Variants in PSMD9 observed in about 807,000 individuals in gnomAD.
PSMD9 encodes 26S proteasome non-ATPase regulatory subunit 9.
A neutral mutation model predicts 25.9 loss-of-function variants in PSMD9; 26 were observed. That is an observed-to-expected ratio of 1.00 (90% CI 0.73 to 1.39). The LOEUF is 1.39. PSMD9 is among the 40% of genes most tolerant of loss of function. The pLI is 0.00. For missense variants in PSMD9, 303 were observed against 299.3 expected (o/e 1.01, Z -0.09); for synonymous variants, 110 against 114.5 (o/e 0.96, Z 0.25).
chr12:121,891,901 C>CAAA (rs33982940), intron 1 of PSMD9, among the ~76,000 whole-genome samples: 304 of 74,176 alleles, frequency 4.1e-3, no homozygotes, highest in East Asian at 6.4e-3. Flanking sequence ...GATTCCATCT[C>CAAA]AAAAAAAAAA....
chr12:121,899,737 C>A lies in PSMD9; in HGVS notation c.345C>A (p.Ala115=). ...KEKQARDMAE[A]HKEAMSRKLG... Reference sequence around the variant, plus strand: ...AGCAGGCCCGGGACATGGCTGAGGCCCACAAAGAGGCCATGAGCCGCAAAC... The same window carrying A: ...AGCAGGCCCGGGACATGGCTGAGGCACACAAAGAGGCCATGAGCCGCAAAC... Residue 115 remains alanine (A), a synonymous_variant, in exon 3 of 6, where the codon GCC becomes GCA. Transcript: ENST00000541212. 1 of 1,614,120 alleles carries A rather than the reference C, an allele frequency of 6.2e-7. No homozygotes were observed. Among genetic ancestry groups the A allele is most frequent in the Non-Finnish European group, 8.5e-7 (1 of 1,180,000 alleles).
Position 121,911,902 on chromosome 12 carries a change from C to T in PSMD9, c.556-3954C>T, listed in dbSNP as rs1049494061. On this transcript the variant is annotated intron_variant, in intron 4 of 5. Coordinates refer to ENST00000541212, the MANE Select transcript of PSMD9 (RefSeq NM_002813.7). ...TCCTGACCTCAAGTAATCCACCTGC[C>T]TTGGCCTCCCAAAGTGCTGGGATTG... Among the ~76,000 whole-genome samples the T allele has an allele frequency of 4.6e-5, 7 of 152,094 alleles. No homozygotes were observed. In the East Asian group the frequency reaches 1.2e-3, roughly 25 times the overall value.
Position 121,888,865 on chromosome 12 carries a change from C to T in PSMD9, c.9C>T (p.Asp3=), listed in dbSNP as rs1878964368. The change falls in exon 1 of 6, where the codon GAC becomes GAT. Residue 3 remains aspartate (D), a synonymous_variant. Coordinates refer to ENST00000541212, the MANE Select transcript of PSMD9 (RefSeq NM_002813.7). Reference sequence around the variant, plus strand: ...GCGGCCCGGGGTTCACGATGTCCGACGAGGAAGCGAGGCAGAGCGGAGGCT... The same window carrying T: ...GCGGCCCGGGGTTCACGATGTCCGATGAGGAAGCGAGGCAGAGCGGAGGCT... MS[D]EEARQSGGSS... is the part of the protein sequence containing the mutation. 3 of 1,603,608 alleles carry T rather than the reference C, an allele frequency of 1.9e-6. No individual in the cohort carries two copies. Among genetic ancestry groups the T allele is most frequent in the Non-Finnish European group, 2.6e-6 (3 of 1,176,040 alleles).
intron 1 of PSMD9, among the ~76,000 whole-genome samples, chr12:121,892,580 A>C (rs1475820897): frequency 6.6e-6 from 1 of 152,130 alleles, no homozygotes; most frequent in African/African-American, 2.4e-5. Context: ...AGACGCCTGT[A>C]GTCCCAGCTA....
chr12:121,892,527 C>T lies in PSMD9; in HGVS notation c.139-2212C>T, dbSNP rs1304736741. Among the ~76,000 whole-genome samples the T allele has an allele frequency of 7.9e-5, 12 of 151,974 alleles. No homozygotes were observed. In the South Asian group the frequency reaches 1.7e-3, roughly 21 times the overall value. On this transcript the variant is annotated intron_variant, in intron 1 of 5. Coordinates refer to ENST00000541212, the MANE Select transcript of PSMD9 (RefSeq NM_002813.7). ...CATCCTGGTTAACACGGTGAAACCC[C>T]GTCTCTACTAAAAATACAAAAAAAT...
Position 121,907,771 on chromosome 12 carries a change from G to A in PSMD9, c.555+4664G>A, listed in dbSNP as rs61954313. Among the ~76,000 whole-genome samples, 147 of 152,348 alleles carry A rather than the reference G, an allele frequency of 9.6e-4. 1 individual carries two copies. Among genetic ancestry groups the A allele is most frequent in the Middle Eastern group, 3.4e-3 (1 of 294 alleles). Reference sequence around the variant, plus strand: ...ATGATAAAAATAGGCTGGCTGCAGTGGCTCACGCCTGTGTTCCCAACACTT... The same window carrying A: ...ATGATAAAAATAGGCTGGCTGCAGTAGCTCACGCCTGTGTTCCCAACACTT... On this transcript the variant is annotated intron_variant, in intron 4 of 5. Transcript: ENST00000541212.
chr12:121,910,145 G>A (rs1001730366), intron 4 of PSMD9, among the ~76,000 whole-genome samples: 9 of 145,700 alleles, frequency 6.2e-5, no homozygotes, highest in African/African-American at 2.3e-4. Flanking sequence ...GAGTGCAGCG[G>A]CATGATCTCA....
intron 1 of PSMD9, among the ~76,000 whole-genome samples, chr12:121,893,628 G>T (rs945709884): frequency 6.6e-6 from 1 of 152,088 alleles, no homozygotes; most frequent in Non-Finnish European, 1.5e-5. Flanking sequence ...GACTGCTGGC[G>T]GTCCTTGGCC....
At chr12:121,914,179 G>A (rs1879823631) in intron 4 of PSMD9, 1 of 152,072 alleles carries the variant, frequency 6.6e-6, no homozygotes, top group African/African-American at 2.4e-5. Flanking sequence ...GAGCCACCGT[G>A]CCTGGATATC....
intron 3 of PSMD9, among the ~76,000 whole-genome samples, chr12:121,901,553 C>T (rs1165334272): frequency 6.6e-6 from 1 of 151,482 alleles, no homozygotes; most frequent in Non-Finnish European, 1.5e-5. Context: ...TGGGTTCTCA[C>T]TATGTTGCCC....
intron 4 of PSMD9, among the ~76,000 whole-genome samples, chr12:121,907,478 C>T (rs369966084): frequency 2.0e-5 from 3 of 152,092 alleles, no homozygotes; most frequent in African/African-American, 7.2e-5. Context: ...CTCTGCCTCC[C>T]GGCACCTGGC....
At chr12:121,891,622 A>AG (rs920141734) in intron 1 of PSMD9, among the ~76,000 whole-genome samples, 2 of 150,814 alleles carry the variant, frequency 1.3e-5, no homozygotes, top group Non-Finnish European at 3.0e-5. Context: ...AAAAAAAAAA[A>AG]AGACTGGGCA....
chr12:121,915,701 G>C, intron 4 of PSMD9, 155 bp from the exon 5 acceptor site: 1 of 662,468 alleles, frequency 1.5e-6, no homozygotes, highest in Non-Finnish European at 2.6e-6. Flanking sequence ...TGAGAGTGCA[G>C]TGCCACGTTC....
At position 121,888,915 on chromosome 12, in the gene PSMD9, T is replaced by G. The variant is rs1878969925; in HGVS notation, c.59T>G (p.Val20Gly). ...TCCTCGCAGGCCGGCGTCGTGACTG[T>G]CAGCGACGTCCAGGAGCTGATGCGG... ...GGSSQAGVVT[V>G]SDVQELMRRK... Residue 20 changes from valine (V) to glycine (G), a missense_variant, in exon 1 of 6, where the codon GTC (valine) becomes GGC (glycine). Transcript: ENST00000541212. The G allele has an allele frequency of 6.3e-7, 1 of 1,596,590 alleles. No homozygotes were observed. Among genetic ancestry groups the G allele is most frequent in the Admixed American group, 1.8e-5 (1 of 56,574 alleles).
intron 3 of PSMD9, among the ~76,000 whole-genome samples, chr12:121,901,052 T>G (rs1011339341): frequency 8.6e-5 from 13 of 150,954 alleles, no homozygotes; most frequent in African/African-American, 3.2e-4. Flanking sequence ...CTCCATCTCC[T>G]GGGCTCAAGT....
At chr12:121,913,936 G>C (rs1461651878) in intron 4 of PSMD9, among the ~76,000 whole-genome samples, 1 of 151,938 alleles carries the variant, frequency 6.6e-6, no homozygotes, top group Non-Finnish European at 1.5e-5. Context: ...GTCTCACTCT[G>C]TTGCCCAGGC....
chr12:121,891,609 GAA>G (rs1212392896), intron 1 of PSMD9, among the ~76,000 whole-genome samples: 1 of 93,006 alleles, frequency 1.1e-5, no homozygotes, highest in African/African-American at 4.1e-5. Flanking sequence ...CAAGAAAAAA[GAA>G]AAAAAAAAAA....
Position 121,894,726 on chromosome 12 carries a change from T to A in PSMD9, c.139-13T>A. 6.2e-7 allele frequency: 1 copy of A among 1,613,210 alleles called. No individual in the cohort carries two copies. The highest frequency in any genetic ancestry group is 8.5e-7 in the Non-Finnish European group (1 of 1,179,332). On this transcript the variant is annotated splice_polypyrimidine_tract_variant and intron_variant, in intron 1 of 5. Transcript: ENST00000541212. ...ACCCATGAGCACCTTTTAACCACGT[T>A]TCTTTCCTCCAGCAAAAAGGCATTG...
intron 1 of PSMD9, among the ~76,000 whole-genome samples, chr12:121,891,753 A>G (rs1879087309): frequency 1.3e-5 from 2 of 151,976 alleles, no homozygotes; most frequent in South Asian, 4.2e-4. Context: ...GAAAAATACA[A>G]AAATTAGCCA....
Sources: allele counts gnomAD v4.1 joint callset (sites outside exome capture counted in the v4.1 genomes callset), GRCh38; gene constraint gnomAD v4.1.1; transcripts MANE v1.5; gene names NCBI Gene and HGNC (gene_info 2026-07-23, HGNC 2026-07-21).